Variants in VRK3 observed in about 807,000 individuals in gnomAD.
VRK3 encodes serine/threonine-protein kinase VRK3.
In VRK3, 50 loss-of-function variants were observed where a neutral mutation model predicts 60.4. The observed-to-expected ratio is 0.83, with a 90% confidence interval of 0.66 to 1.05. The LOEUF (loss-of-function observed/expected upper bound fraction) is 1.05. Among genes scored for constraint, VRK3 ranks in the 50% least tolerant of loss-of-function variants. The pLI is 0.00. For missense variants in VRK3, 549 were observed against 585.3 expected (o/e 0.94, Z 0.64); for synonymous variants, 246 against 227.8 (o/e 1.08, Z -0.72).
At chr19:49,987,665 T>C (rs2076539180) in intron 12 of VRK3, 1 of 150,734 alleles carries the variant, frequency 6.6e-6, no homozygotes, top group Non-Finnish European at 1.5e-5. Flanking sequence ...TGCATGTTTG[T>C]GATGAATGAG....
chr19:50,001,612 G>A (rs1760496193), intron 5 of VRK3, among the ~76,000 whole-genome samples: 1 of 152,192 alleles, frequency 6.6e-6, no homozygotes, highest in Admixed American at 6.5e-5. Flanking sequence ...CACCCTGCAT[G>A]CTTGTCCCCC....
chr19:50,010,111 A>G (rs1486709971), intron 3 of VRK3, among the ~76,000 whole-genome samples: 1 of 152,120 alleles, frequency 6.6e-6, no homozygotes, highest in African/African-American at 2.4e-5. Flanking sequence ...ATATATATAC[A>G]CACATACACA....
intron 2 of VRK3, chr19:50,019,164 C>T (rs1312927402): frequency 1.1e-5 from 1 of 90,512 alleles, no homozygotes; most frequent in East Asian, 3.1e-4. Flanking sequence ...GACTCCGTCT[C>T]TAAAAAAAAA....
At position 49,993,045 on chromosome 19, in the gene VRK3, C is replaced by T. The variant is rs1044196947; in HGVS notation, c.871-93G>A. On this transcript the variant is annotated intron_variant, in intron 9 of 14. Transcript: ENST00000316763. ...CCAGGAGGGAGCCCCACTATTAAGG[C>T]CTGGGGTTGTCCGACACTGTGACTG... 22 of 1,194,192 alleles carry T rather than the reference C, an allele frequency of 1.8e-5. No individual in the cohort carries two copies. The South Asian group carries it at 2.4e-4, about 13-fold the overall frequency. 74.0% of individuals were successfully genotyped at this position (1,194,192 alleles called of 1,614,324 possible). A position where few individuals can be genotyped will look rare whatever the true frequency, so the allele number is the denominator to read the frequency against.
chr19:50,002,943 G>A (rs1313476608), intron 5 of VRK3, among the ~76,000 whole-genome samples: 1 of 152,206 alleles, frequency 6.6e-6, no homozygotes, highest in Non-Finnish European at 1.5e-5. Flanking sequence ...CACTGTTCTG[G>A]GACCCATCCT....
At chr19:50,009,186 C>T in intron 4 of VRK3, 50 bp downstream of exon 4, 1 of 1,582,942 alleles carries the variant, frequency 6.3e-7, no homozygotes, top group Non-Finnish European at 8.6e-7. Context: ...CATCAGATGA[C>T]CTAACTTTGC....
intron 3 of VRK3, among the ~76,000 whole-genome samples, chr19:50,013,516 G>A (rs1244769141): frequency 2.0e-5 from 3 of 152,336 alleles, no homozygotes; most frequent in East Asian, 1.9e-4. Flanking sequence ...ACTCCCAAAT[G>A]ATAAAATGAA....
chr19:49,996,659 C>T (rs1278585327), intron 7 of VRK3, among the ~76,000 whole-genome samples: 1 of 152,202 alleles, frequency 6.6e-6, no homozygotes, highest in East Asian at 1.9e-4. Context: ...CTCTATCGCC[C>T]AGACTGGAGT....
intron 12 of VRK3, 105 bp from the exon 13 acceptor site, chr19:49,981,118 C>T (rs997408656): frequency 8.8e-6 from 9 of 1,023,136 alleles, no homozygotes; most frequent in Admixed American, 4.1e-5. Context: ...TATACACAGT[C>T]CCCTCTGCCA....
chr19:49,982,188 C>T (rs1024791269), intron 12 of VRK3: 26 of 702,846 alleles, frequency 3.7e-5, no homozygotes, highest in Non-Finnish European at 6.0e-5. Flanking sequence ...CCCAAGGCAA[C>T]CTGAAATGAT....
intron 12 of VRK3, chr19:49,981,252 T>C: frequency 3.6e-6 from 2 of 551,384 alleles, no homozygotes; most frequent in Non-Finnish European, 6.5e-6. Flanking sequence ...CCCCGATCAA[T>C]ACACCTTGTT....
chr19:50,016,065 C>A lies in VRK3; in HGVS notation c.98G>T (p.Gly33Val). ...GNSLPVEEHV[G>V]SQTFVNPHVS... ...ATGTGGATTGACAAAGGTCTGGGACCCTACATGCTCCTCTACAGGCAAAGA... is the reference window on the plus strand; with the variant it reads ...ATGTGGATTGACAAAGGTCTGGGACACTACATGCTCCTCTACAGGCAAAGA... Residue 33 changes from glycine to valine, a missense_variant, in exon 3 of 15, where the codon GGG becomes GTG. Gly to Val is a moderately radical substitution (Grantham distance 109). Transcript: ENST00000316763. The A allele has an allele frequency of 6.2e-7, 1 of 1,614,212 alleles. No individual in the cohort carries two copies. The highest frequency in any genetic ancestry group is 1.1e-5 in the South Asian group (1 of 91,084).
In VRK3 at chr19:49,988,473, G is replaced by A. The variant is rs767987458; in HGVS notation, c.1116C>T (p.Asp372=). 2 of 1,613,466 alleles carry A rather than the reference G, an allele frequency of 1.2e-6. No homozygotes were observed. Among genetic ancestry groups the A allele is most frequent in the Non-Finnish European group, 1.7e-6 (2 of 1,179,620 alleles). Residue 372 remains aspartate, a synonymous_variant, in exon 12 of 15, where the codon GAC becomes GAT. Coordinates refer to ENST00000316763, the MANE Select transcript of VRK3 (RefSeq NM_016440.4). ...HKGCGPSRRS[D]LQSLGYCMLK... is the part of the protein sequence containing the mutation. ...GCATGCAGTAGCCCAGGCTCTGGAG[G>A]TCGCTGCGGCGGGAGGGCCCTGGGG...
intron 3 of VRK3, among the ~76,000 whole-genome samples, chr19:50,011,467 G>C (rs2076992729): frequency 6.6e-6 from 1 of 152,150 alleles, no homozygotes; most frequent in African/African-American, 2.4e-5. Context: ...CTCCTAACTG[G>C]TTTCCATGCC....
At chr19:49,987,303 C>T (rs1387034361) in intron 12 of VRK3, among the ~76,000 whole-genome samples, 2 of 152,244 alleles carry the variant, frequency 1.3e-5, no homozygotes, top group East Asian at 3.9e-4. Flanking sequence ...GGTGCTGAAC[C>T]CACATCCCTA....
At chr19:49,995,373 G>A (rs777123652) in intron 7 of VRK3, 98 bp from the exon 8 acceptor site, 18 of 1,073,000 alleles carry the variant, frequency 1.7e-5, no homozygotes, top group Middle Eastern at 2.1e-4. Context: ...TGCCCAGACC[G>A]CCTCCAAGTC....
chr19:49,987,921 C>T (rs1304540017), intron 12 of VRK3: 1 of 155,380 alleles, frequency 6.4e-6, no homozygotes, highest in Non-Finnish European at 1.4e-5. Context: ...TCAGGATGGT[C>T]TCGATCTCCT....
chr19:50,010,992 C>T (rs551303681), intron 3 of VRK3, among the ~76,000 whole-genome samples: 57 of 150,744 alleles, frequency 3.8e-4, no homozygotes, highest in African/African-American at 1.4e-3. Context: ...CTTTATTTAC[C>T]CACCACCAAG....
chr19:50,020,039 G>C (rs528111455), intron 2 of VRK3, among the ~76,000 whole-genome samples: 1 of 148,800 alleles, frequency 6.7e-6, no homozygotes, highest in Non-Finnish European at 1.5e-5. Flanking sequence ...ACCACACCCA[G>C]CTAATTTTTT....
Sources: gnomAD v4.1 joint callset for allele counts (sites outside exome capture counted in the v4.1 genomes callset) on GRCh38, gnomAD v4.1.1 for gene constraint, MANE v1.5 for transcripts, NCBI Gene and HGNC (gene_info 2026-07-23, HGNC 2026-07-21) for gene names.